The following PRR14L variants were observed in gnomAD, a reference collection of about 807,000 sequenced individuals.
The protein encoded by PRR14L is protein PRR14L.
PRR14L carries 80 observed loss-of-function variants against 155.0 expected under a neutral mutation model. The observed-to-expected ratio is 0.52, with a 90% CI of 0.43 to 0.62. The LOEUF (loss-of-function observed/expected upper bound fraction) is 0.62. Among genes scored for constraint, PRR14L ranks in the 20% least tolerant of loss-of-function variants. The pLI, the probability that PRR14L is intolerant of heterozygous loss-of-function variation, is 0.00. For missense variants in PRR14L, 2,469 were observed against 2,548.0 expected, an observed-to-expected ratio of 0.97 and a Z score of 0.67; for synonymous variants, 883 against 916.0, an observed-to-expected ratio of 0.96 and a Z score of 0.65.
intron 7 of PRR14L, among the ~76,000 whole-genome samples, chr22:31,694,953 C>G (rs1362492241): frequency 1.3e-5 from 2 of 149,944 alleles, no homozygotes; most frequent in Admixed American, 1.3e-4. Context: ...TGTGGCGGCA[C>G]ACTCCTGTAG....
chr22:31,702,820 A>ATT (rs113096940), intron 6 of PRR14L, among the ~76,000 whole-genome samples: 12 of 116,134 alleles, frequency 1.0e-4, no homozygotes, highest in African/African-American at 3.4e-4. Context: ...CCGGCCTTTT[A>ATT]TTTTTTTTTT....
rs540321141 is a variant in PRR14L at position 31,738,743 on chromosome 22, G to A, written c.118C>T (p.Pro40Ser). 7.7e-6 allele frequency: 12 copies of A among 1,551,738 alleles called. No homozygotes were observed. In the Admixed American group the frequency reaches 1.8e-4, roughly 23 times the overall value. ...ACATCTGGAATCACACTTGGCTCAG[G>A]GTCAGCATGAAGCTCTCTGGAGACA... ...VSVSRELHADPEPSVIPDVKP... is the reference protein window; with the variant it reads ...VSVSRELHADSEPSVIPDVKP... Residue 40 changes from proline to serine, a missense_variant, in exon 2 of 9, where the codon CCT becomes TCT. This residue lies in a region of PRR14L where 2,363 missense variants were observed against 2,371.6 expected (regional missense o/e 1.00). Coordinates refer to ENST00000327423, the MANE Select transcript of PRR14L (RefSeq NM_173566.3).
rs192751203 is a variant in PRR14L, at chr22:31,688,927, A to C, written c.6108-700T>G. Among the ~76,000 whole-genome samples the C allele has an allele frequency of 2.4e-3, 310 of 130,502 alleles. 2 individuals carry two copies. Among genetic ancestry groups the C allele is most frequent in the South Asian group, 4.4e-3 (20 of 4,586 alleles). 85.6% of individuals were successfully genotyped at this position (130,502 alleles called of 152,430 possible). A position where few individuals can be genotyped will look rare whatever the true frequency, so the allele number is the denominator to read the frequency against. On this transcript the variant is annotated intron_variant, in intron 7 of 8. Transcript: ENST00000327423. Reference sequence around the variant, plus strand: ...ACACACACACACACACACACACACAAAAACCCTTCACACCTATCAATTATA... The same window carrying C: ...ACACACACACACACACACACACACACAAACCCTTCACACCTATCAATTATA...
intron 8 of PRR14L, among the ~76,000 whole-genome samples, chr22:31,686,562 G>A (rs917743354): frequency 9.2e-5 from 14 of 152,166 alleles, no homozygotes; most frequent in African/African-American, 3.4e-4. Context: ...ACGTAGCTGG[G>A]ACTACAAGCA....
At chr22:31,741,247 T>A (rs1601518944) in intron 1 of PRR14L, among the ~76,000 whole-genome samples, 1 of 104,450 alleles carries the variant, frequency 9.6e-6, no homozygotes, top group African/African-American at 4.3e-5. Flanking sequence ...AGCGAGGCTC[T>A]GTCTCAAAAA....
chr22:31,689,926 TTTTTC>T (rs2074502833), intron 7 of PRR14L, among the ~76,000 whole-genome samples: 1 of 151,792 alleles, frequency 6.6e-6, no homozygotes, highest in African/African-American at 2.4e-5. Flanking sequence ...TTGATTTTTT[TTTTTC>T]TTTTGAGATG....
At chr22:31,723,823 T>C (rs1365930552) in intron 3 of PRR14L, among the ~76,000 whole-genome samples, 1 of 152,154 alleles carries the variant, frequency 6.6e-6, no homozygotes, top group East Asian at 1.9e-4. Flanking sequence ...TGATGTTTCA[T>C]CACAGTAACA....
intron 4 of PRR14L, among the ~76,000 whole-genome samples, chr22:31,707,582 T>A (rs1169953795): frequency 1.3e-5 from 2 of 152,066 alleles, no homozygotes; most frequent in Non-Finnish European, 2.9e-5. Context: ...AGATGGCGTT[T>A]CACCATGTTA....
rs112273948 is a variant in PRR14L, at chr22:31,687,771, C to T, written c.6179+385G>A. ...TATAAAACCCAATATTGGCCGGGCGCGGTGGCTCACACTTGTAATCCCAGC... is the reference window on the plus strand; with the variant it reads ...TATAAAACCCAATATTGGCCGGGCGTGGTGGCTCACACTTGTAATCCCAGC... On this transcript the variant is annotated intron_variant, in intron 8 of 8. Transcript: ENST00000327423. 8.7e-3 allele frequency among the ~76,000 whole-genome samples: 1,319 copies of T among 151,122 alleles called. 18 individuals carry two copies. Among genetic ancestry groups the T allele is most frequent in the African/African-American group, 0.029 (1,203 of 41,198 alleles).
chr22:31,747,526 T>G (rs541295813), intron 1 of PRR14L, among the ~76,000 whole-genome samples: 13 of 149,648 alleles, frequency 8.7e-5, no homozygotes, highest in African/African-American at 3.0e-4. Flanking sequence ...TTAAGTGAAC[T>G]TTCCCGGGCT....
At chr22:31,702,688 G>T (rs1273604529) in intron 6 of PRR14L, among the ~76,000 whole-genome samples, 2 of 151,676 alleles carry the variant, frequency 1.3e-5, no homozygotes, top group Non-Finnish European at 1.5e-5. Context: ...GCTAATTTTT[G>T]TATTTTTAGT....
intron 2 of PRR14L, among the ~76,000 whole-genome samples, chr22:31,733,616 T>C (rs2147873527): frequency 6.6e-6 from 1 of 152,226 alleles, no homozygotes; most frequent in South Asian, 2.1e-4. Flanking sequence ...CAGGTTTCCT[T>C]AAAGTGTTCG....
At chr22:31,741,201 C>A (rs1011584916) in intron 1 of PRR14L, among the ~76,000 whole-genome samples, 1 of 139,424 alleles carries the variant, frequency 7.2e-6, no homozygotes, top group Non-Finnish European at 1.5e-5. Context: ...TGCAGTGAGC[C>A]GAGATTGCGC....
chr22:31,739,632 A>G (rs1384113670), intron 1 of PRR14L, among the ~76,000 whole-genome samples: 2 of 152,230 alleles, frequency 1.3e-5, no homozygotes, highest in African/African-American at 4.8e-5. Flanking sequence ...TTCTTGTTTT[A>G]GATCCTAACA....
chr22:31,712,935 A>C lies in PRR14L; in HGVS notation c.4904T>G (p.Leu1635Arg), dbSNP rs1000652723. The C allele has an allele frequency of 6.4e-6, 10 of 1,551,750 alleles. No individual in the cohort carries two copies. In the Admixed American group the frequency reaches 1.4e-4, roughly 21 times the overall value. Residue 1635 changes from leucine to arginine, a missense_variant, in exon 4 of 9, where the codon CTA becomes CGA. Physicochemically the swap from Leu to Arg is moderately radical, Grantham distance 102. Coordinates refer to ENST00000327423, the MANE Select transcript of PRR14L (RefSeq NM_173566.3). ...KLAPAMKTQK[L>R]RYRRCSSELL... is the part of the protein sequence containing the mutation. ...TTCAGAGGAACACCGTCGGTATCTTAGCTTCTGAGTCTTCATGGCTGGGGC... is the reference window on the plus strand; with the variant it reads ...TTCAGAGGAACACCGTCGGTATCTTCGCTTCTGAGTCTTCATGGCTGGGGC...
chr22:31,705,537 G>C (rs2074586204), intron 4 of PRR14L, among the ~76,000 whole-genome samples: 1 of 151,786 alleles, frequency 6.6e-6, no homozygotes, highest in African/African-American at 2.4e-5. Flanking sequence ...TCATGCCCGG[G>C]TAATTTTTGT....
At chr22:31,696,428 C>T (rs911413004) in intron 7 of PRR14L, among the ~76,000 whole-genome samples, 4 of 152,154 alleles carry the variant, frequency 2.6e-5, no homozygotes, top group Non-Finnish European at 4.4e-5. Flanking sequence ...CATGAGCCAA[C>T]GCGCCTCGCC....
intron 2 of PRR14L, among the ~76,000 whole-genome samples, chr22:31,730,312 C>A (rs2074741597): frequency 6.6e-6 from 1 of 152,074 alleles, no homozygotes; most frequent in South Asian, 2.1e-4. Flanking sequence ...GTGGCACGTG[C>A]CTGTAATCCC....
chr22:31,716,337 C>T lies in PRR14L; in HGVS notation c.1502G>A (p.Ser501Asn). Residue 501 changes from serine (S) to asparagine (N), a missense_variant, in exon 4 of 9, where the codon AGC becomes AAC. Physicochemically the swap from Ser to Asn is conservative, Grantham distance 46. Coordinates refer to ENST00000327423, the MANE Select transcript of PRR14L (RefSeq NM_173566.3). Reference sequence around the variant, plus strand: ...TTCTTCAGAGTGTCCACCAGGATGGCTCATATTAGTAAAAGTTTCTTTATG... The same window carrying T: ...TTCTTCAGAGTGTCCACCAGGATGGTTCATATTAGTAAAAGTTTCTTTATG... ...EDHKETFTNM[S>N]HPGGHSEESS... 6.4e-7 allele frequency: 1 copy of T among 1,551,396 alleles called. No individual in the cohort carries two copies. Among genetic ancestry groups the T allele is most frequent in the East Asian group, 2.4e-5 (1 of 40,914 alleles).
Sources: allele counts gnomAD v4.1 joint callset (sites outside exome capture counted in the v4.1 genomes callset), GRCh38; gene constraint gnomAD v4.1.1; regional missense constraint gnomAD v4.1.1; transcripts MANE v1.5; gene names NCBI Gene and HGNC (gene_info 2026-07-23, HGNC 2026-07-21).